INPP4B: variants seen among roughly 807,000 people sequenced by gnomAD.
INPP4B encodes inositol polyphosphate-4-phosphatase type II B.
In INPP4B, 55 loss-of-function variants were observed where a neutral mutation model predicts 122.5. The ratio of observed to expected loss-of-function variants is 0.45; its 90% CI spans 0.36 to 0.56. The LOEUF (loss-of-function observed/expected upper bound fraction) is 0.56, where lower values mean the gene tolerates loss of function less well. INPP4B is among the 20% of genes least tolerant of loss of function. The pLI, the probability that INPP4B is intolerant of heterozygous loss-of-function variation, is 0.00. For missense variants in INPP4B, 1,000 were observed against 1,097.7 expected, an observed-to-expected ratio of 0.91 and a Z score of 1.26; for synonymous variants, 403 against 388.7, an observed-to-expected ratio of 1.04 and a Z score of -0.43.
intron 7 of INPP4B, among the ~76,000 whole-genome samples, chr4:142,358,221 C>G (rs1333248836): frequency 6.6e-6 from 1 of 151,872 alleles, no homozygotes; most frequent in Non-Finnish European, 1.5e-5. Flanking sequence ...GGCAATACTG[C>G]CTAAACATCA....
intron 2 of INPP4B, among the ~76,000 whole-genome samples, chr4:142,631,448 A>G (rs1399252728): frequency 1.3e-5 from 2 of 152,166 alleles, no homozygotes; most frequent in Admixed American, 6.6e-5. Flanking sequence ...AACAGGGAAT[A>G]TAATGCAATG....
intron 9 of INPP4B, among the ~76,000 whole-genome samples, chr4:142,282,424 C>T (rs56790487): frequency 0.054 from 8,195 of 152,126 alleles, 767 homozygotes; most frequent in African/African-American, 0.19. Flanking sequence ...CATAAACCCA[C>T]TGACCTAAAC....
intron 2 of INPP4B, among the ~76,000 whole-genome samples, chr4:142,520,674 A>G (rs2149916795): frequency 6.6e-6 from 1 of 152,108 alleles, no homozygotes; most frequent in East Asian, 1.9e-4. Flanking sequence ...ATATAGTTTT[A>G]AAAGGGTTAA....
chr4:142,725,908 G>A lies in INPP4B; in HGVS notation c.-253-7C>T, dbSNP rs538884819. 635 of 397,864 alleles carry A rather than the reference G, an allele frequency of 1.6e-3. No homozygotes were observed. The highest frequency in any genetic ancestry group is 6.3e-3 in the Middle Eastern group (10 of 1,582). The allele number at this position is 397,864 out of a possible 1,614,324, so 24.6% of individuals were successfully genotyped here. On this transcript the variant is annotated splice_polypyrimidine_tract_variant and splice_region_variant and intron_variant, in intron 1 of 25. Transcript: ENST00000262992. ...AACACCATTTCTTTGTATTCTACGG[G>A]AAAAGAGAAAGAAGATTAATAAAAA...
intron 2 of INPP4B, among the ~76,000 whole-genome samples, chr4:142,603,137 C>T (rs1740432133): frequency 6.6e-6 from 1 of 151,914 alleles, no homozygotes; most frequent in Admixed American, 6.6e-5. Flanking sequence ...AAAGGAAAAA[C>T]AAATACTGCA....
At chr4:142,194,013 C>T (rs1837144369) in intron 14 of INPP4B, among the ~76,000 whole-genome samples, 1 of 152,080 alleles carries the variant, frequency 6.6e-6, no homozygotes, top group Non-Finnish European at 1.5e-5. Flanking sequence ...CATAGTAGAT[C>T]CTTTTCAAAT....
intron 23 of INPP4B, among the ~76,000 whole-genome samples, chr4:142,088,842 A>G (rs1778080533): frequency 6.6e-6 from 1 of 152,216 alleles, no homozygotes; most frequent in African/African-American, 2.4e-5. Context: ...CAAAATTTCC[A>G]CAGTCTAGTA....
intron 9 of INPP4B, among the ~76,000 whole-genome samples, chr4:142,277,847 G>T (rs1749345522): frequency 6.6e-6 from 1 of 151,960 alleles, no homozygotes; most frequent in South Asian, 2.1e-4. Context: ...TAATAGGTGG[G>T]AGTTAAGCTA....
At chr4:142,479,651 T>G (rs1447210004) in intron 2 of INPP4B, among the ~76,000 whole-genome samples, 1 of 152,100 alleles carries the variant, frequency 6.6e-6, no homozygotes, top group Non-Finnish European at 1.5e-5. Context: ...TGAGATCATG[T>G]CCTAAGCAGC....
At chr4:142,637,316 C>T (rs535951260) in intron 2 of INPP4B, among the ~76,000 whole-genome samples, 38 of 151,994 alleles carry the variant, frequency 2.5e-4, no homozygotes, top group Middle Eastern at 6.8e-3. Flanking sequence ...GGTTTCATTG[C>T]CCCCCGCAAA....
intron 2 of INPP4B, among the ~76,000 whole-genome samples, chr4:142,717,507 T>C (rs1046881766): frequency 6.6e-6 from 1 of 152,068 alleles, no homozygotes. Flanking sequence ...CCATCAATGG[T>C]AGACTGGATT....
intron 12 of INPP4B, among the ~76,000 whole-genome samples, chr4:142,223,906 C>T (rs1308559765): frequency 1.3e-5 from 2 of 152,158 alleles, no homozygotes; most frequent in South Asian, 4.1e-4. Flanking sequence ...GAGAAACAGA[C>T]AGAAACCTAC....
chr4:142,098,388 G>A (rs1420996332), intron 23 of INPP4B, among the ~76,000 whole-genome samples: 1 of 152,094 alleles, frequency 6.6e-6, no homozygotes, highest in Non-Finnish European at 1.5e-5. Flanking sequence ...AACATTGGGG[G>A]TTACTGGAAG....
chr4:142,518,310 G>T (rs1825662343), intron 2 of INPP4B, among the ~76,000 whole-genome samples: 1 of 152,062 alleles, frequency 6.6e-6, no homozygotes, highest in Non-Finnish European at 1.5e-5. Flanking sequence ...CACATAACCT[G>T]ATTGACAGTT....
intron 2 of INPP4B, among the ~76,000 whole-genome samples, chr4:142,669,399 C>A (rs1756655061): frequency 6.6e-6 from 1 of 152,128 alleles, no homozygotes; most frequent in African/African-American, 2.4e-5. Flanking sequence ...CATCATACTA[C>A]CTGACTTTAA....
intron 2 of INPP4B, among the ~76,000 whole-genome samples, chr4:142,515,309 T>G (rs920821134): frequency 1.3e-5 from 2 of 152,142 alleles, no homozygotes; most frequent in Non-Finnish European, 2.9e-5. Flanking sequence ...TGAAACCCAC[T>G]AACTCTTGGT....
intron 18 of INPP4B, among the ~76,000 whole-genome samples, chr4:142,136,607 C>A (rs570457990): frequency 2.6e-5 from 4 of 152,204 alleles, no homozygotes; most frequent in African/African-American, 9.6e-5. Flanking sequence ...ATGACTGGAT[C>A]ATGGAGGATG....
chr4:142,581,963 G>A (rs1735178733), intron 2 of INPP4B, among the ~76,000 whole-genome samples: 1 of 151,862 alleles, frequency 6.6e-6, no homozygotes, highest in African/African-American at 2.4e-5. Flanking sequence ...TCACAGCGTG[G>A]AAAAAAACCT....
At chr4:142,460,190 G>A (rs1037138769) in intron 3 of INPP4B, among the ~76,000 whole-genome samples, 2 of 152,128 alleles carry the variant, frequency 1.3e-5, no homozygotes, top group African/African-American at 2.4e-5. Context: ...TTTTAGAGAA[G>A]AGTTAACTGA....
Sources: allele counts gnomAD v4.1 joint callset (sites outside exome capture counted in the v4.1 genomes callset), GRCh38; gene constraint gnomAD v4.1.1; transcripts MANE v1.5; gene names NCBI Gene and HGNC (gene_info 2026-07-23, HGNC 2026-07-21).